The following PADI4 variants were observed in gnomAD, a reference collection of about 807,000 sequenced individuals.
PADI4 encodes peptidyl arginine deiminase 4.
Under a neutral mutation model 75.0 loss-of-function variants are expected in PADI4, and 62 were observed. The observed-to-expected ratio is 0.83, with a 90% confidence interval of 0.67 to 1.02. The LOEUF is 1.02. Among genes scored for constraint, PADI4 ranks in the 50% least tolerant of loss-of-function variants. The pLI, the probability that PADI4 is intolerant of heterozygous loss-of-function variation, is 0.00. For missense variants in PADI4, 845 were observed against 850.5 expected, an observed-to-expected ratio of 0.99 and a Z score of 0.08; for synonymous variants, 361 against 348.1, an observed-to-expected ratio of 1.04 and a Z score of -0.41.
intron 1 of PADI4, among the ~76,000 whole-genome samples, chr1:17,321,270 A>G (rs921032763): frequency 2.6e-5 from 4 of 152,154 alleles, no homozygotes; most frequent in African/African-American, 9.7e-5. Context: ...AGTGGGGGGC[A>G]GGTGCAGGGA....
At chr1:17,323,575 CTGTAATCCCAGCACTT>C (rs1176454233) in intron 1 of PADI4, among the ~76,000 whole-genome samples, 1 of 152,138 alleles carries the variant, frequency 6.6e-6, no homozygotes, top group Non-Finnish European at 1.5e-5. Flanking sequence ...TGATTCATGC[CTGTAATCCCAGCACTT>C]TGGGAGGCCA....
rs531934389 is a variant in PADI4, at chr1:17,337,186, C to G, written c.409-852C>G. Among the ~76,000 whole-genome samples, 17 of 152,302 alleles carry G rather than the reference C, an allele frequency of 1.1e-4. No individual in the cohort carries two copies. The South Asian group carries it at 2.7e-3, about 24-fold the overall frequency. On this transcript the variant is annotated intron_variant, in intron 4 of 15. Transcript: ENST00000375448. ...ATTTATTTATTGAGATGGAGTCATG[C>G]TCTGTCTCCCAGGCTGGAGTGCAGG...
In PADI4 at chr1:17,340,522, C is replaced by T. The variant is rs534546414; in HGVS notation, c.652+709C>T. ...GGAAGGGCGTTCCAGGCAGAGGGAA[C>T]GGCAAGTGCGTGGGCCCTGAGGTGA... On this transcript the variant is annotated intron_variant, in intron 6 of 15. Coordinates refer to ENST00000375448, the MANE Select transcript of PADI4 (RefSeq NM_012387.3). Among the ~76,000 whole-genome samples, 8 of 151,972 alleles carry T rather than the reference C, an allele frequency of 5.3e-5. No individual in the cohort carries two copies. The East Asian group carries it at 1.2e-3, about 22-fold the overall frequency.
At chr1:17,322,651 C>A (rs1364091890) in intron 1 of PADI4, among the ~76,000 whole-genome samples, 3 of 152,080 alleles carry the variant, frequency 2.0e-5, no homozygotes, top group African/African-American at 7.2e-5. Context: ...TATTTATGAA[C>A]CATGAGAGGC....
In PADI4 at chr1:17,347,975, A is replaced by T. The variant is rs1207922289; in HGVS notation, c.1082A>T (p.His361Leu). 3 of 1,605,010 alleles carry T rather than the reference A, an allele frequency of 1.9e-6. No homozygotes were observed. Among genetic ancestry groups the T allele is most frequent in the Admixed American group, 1.7e-5 (1 of 59,264 alleles). Residue 361 changes from histidine (H) to leucine (L), a missense_variant, in exon 10 of 16, where the codon CAC becomes CTC. His to Leu is a moderately conservative substitution (Grantham distance 99). Transcript: ENST00000375448. ...EMEIGYIQAPHKTLPVVFDSP... is the reference protein window; with the variant it reads ...EMEIGYIQAPLKTLPVVFDSP... Reference sequence around the variant, plus strand: ...GAGATCGGCTACATCCAAGCCCCACACAAAACGCTGCCCGTGGTCTTCGAC... The same window carrying T: ...GAGATCGGCTACATCCAAGCCCCACTCAAAACGCTGCCCGTGGTCTTCGAC...
At chr1:17,323,768 G>A (rs1304762138) in intron 1 of PADI4, among the ~76,000 whole-genome samples, 1 of 152,022 alleles carries the variant, frequency 6.6e-6, no homozygotes, top group African/African-American at 2.4e-5. Context: ...AGGAGGCAGA[G>A]GTTGCAGTGA....
In PADI4 at chr1:17,359,291, C is replaced by G. The variant is rs776971789; in HGVS notation, c.1641C>G (p.Asp547Glu). 4.4e-6 allele frequency: 7 copies of G among 1,602,254 alleles called. No homozygotes were observed. The Admixed American group carries it at 1.2e-4, about 27-fold the overall frequency. The change falls in exon 15 of 16, where the codon GAC becomes GAG. Residue 547 changes from aspartate to glutamate, a missense_variant. By Grantham distance (45) the Asp-to-Glu change is conservative. Coordinates refer to ENST00000375448, the MANE Select transcript of PADI4 (RefSeq NM_012387.3). ...GCCCCTTCCCCAAGAGATGCATCGACTGGAACCGCGAGCTGCTGAAGCGGG... is the reference window on the plus strand; with the variant it reads ...GCCCCTTCCCCAAGAGATGCATCGAGTGGAACCGCGAGCTGCTGAAGCGGG... The part of the protein sequence containing the change: ...EHNSFVERCI[D>E]WNRELLKREL...
At chr1:17,361,668 GA>G (rs1394492738) in intron 15 of PADI4, among the ~76,000 whole-genome samples, 1 of 152,232 alleles carries the variant, frequency 6.6e-6, no homozygotes, top group East Asian at 1.9e-4. Context: ...ATGAGGCTCA[GA>G]GGGGTGATAT....
At chr1:17,362,471 G>A (rs2074860380) in intron 15 of PADI4, among the ~76,000 whole-genome samples, 1 of 152,026 alleles carries the variant, frequency 6.6e-6, no homozygotes, top group African/African-American at 2.4e-5. Flanking sequence ...TCACGTATAG[G>A]TAGAAGCTAA....
intron 1 of PADI4, among the ~76,000 whole-genome samples, chr1:17,329,487 G>C (rs2074172494): frequency 6.6e-6 from 1 of 152,026 alleles, no homozygotes; most frequent in Admixed American, 6.6e-5. Flanking sequence ...AACAAAGTAA[G>C]CTAAAGAAAA....
rs1179792965 is a variant in PADI4 at position 17,308,234 on chromosome 1, G to T, written c.12G>T (p.Gly4=). 6.2e-7 allele frequency: 1 copy of T among 1,613,958 alleles called. No individual in the cohort carries two copies. The highest frequency in any genetic ancestry group is 8.5e-7 in the Non-Finnish European group (1 of 1,180,004). The change falls in exon 1 of 16, where the codon GGG becomes GGT. Residue 4 remains glycine (G), a synonymous_variant. Transcript: ENST00000375448. The stretch of plus-strand genomic sequence containing the variant: ...GAGCTAGCCCGACGATGGCCCAGGG[G>T]ACATTGATCCGTGTGACCCCAGAGC... MAQ[G]TLIRVTPEQP...
Position 17,342,102 on chromosome 1 carries a change from T to A in PADI4, c.812T>A (p.Leu271Gln). The part of the protein sequence containing the change: ...FPGLITLTIS[L>Q]LDTSNLELPE... ...GGGCTCATTACCCTCACCATCTCCC[T>A]GCTGGACACGTCCAACCTGGTAGGC... The change falls in exon 7 of 16, where the codon CTG becomes CAG. Residue 271 changes from leucine to glutamine, a missense_variant. Leu to Gln is a moderately radical substitution (Grantham distance 113). Transcript: ENST00000375448. 6.2e-7 allele frequency: 1 copy of A among 1,613,974 alleles called. No individual in the cohort carries two copies. Among genetic ancestry groups the A allele is most frequent in the Non-Finnish European group, 8.5e-7 (1 of 1,179,984 alleles).
chr1:17,363,565 C>A lies in PADI4; in HGVS notation c.1802C>A (p.Pro601His), dbSNP rs762619273. The change falls in exon 16 of 16, where the codon CCC becomes CAC. Residue 601 changes from proline (P) to histidine (H), a missense_variant. Physicochemically the swap from Pro to His is moderately conservative, Grantham distance 77 (BLOSUM62 -2). Coordinates refer to ENST00000375448, the MANE Select transcript of PADI4 (RefSeq NM_012387.3). ...GGGAAGCACCTGGGCATCCCCAAGC[C>A]CTTCGGGCCCGTCATCAACGGCCGC... is the stretch of plus-strand genomic sequence containing the variant. ...VLGKHLGIPK[P>H]FGPVINGRCC... The A allele has an allele frequency of 7.4e-6, 12 of 1,614,046 alleles. No individual in the cohort carries two copies. The highest frequency in any genetic ancestry group is 1.0e-5 in the Non-Finnish European group (12 of 1,179,960).
intron 6 of PADI4, among the ~76,000 whole-genome samples, chr1:17,341,506 T>C (rs1021390732): frequency 6.6e-6 from 1 of 152,162 alleles, no homozygotes; most frequent in Non-Finnish European, 1.5e-5. Flanking sequence ...ATTCCCTCTA[T>C]CACAGCTGTC....
intron 15 of PADI4, among the ~76,000 whole-genome samples, chr1:17,361,213 T>C (rs954376328): frequency 1.3e-5 from 2 of 152,146 alleles, no homozygotes; most frequent in African/African-American, 4.8e-5. Context: ...TGTTTCTGCA[T>C]TGACATTCTG....
chr1:17,328,088 A>C (rs1172949229), intron 1 of PADI4, among the ~76,000 whole-genome samples: 1 of 152,010 alleles, frequency 6.6e-6, no homozygotes, highest in Non-Finnish European at 1.5e-5. Context: ...GGAGTGCAGA[A>C]TCATGGCTCA....
chr1:17,310,572 C>G (rs1489125399), intron 1 of PADI4, among the ~76,000 whole-genome samples: 1 of 152,072 alleles, frequency 6.6e-6, no homozygotes, highest in Admixed American at 6.5e-5. Flanking sequence ...TTGCAGTGAG[C>G]CAAGATTGGG....
chr1:17,311,861 G>A (rs142840880), intron 1 of PADI4, among the ~76,000 whole-genome samples: 1 of 152,220 alleles, frequency 6.6e-6, no homozygotes, highest in South Asian at 2.1e-4. Flanking sequence ...GCATGACAGT[G>A]GGGAGCCTGG....
intron 13 of PADI4, among the ~76,000 whole-genome samples, chr1:17,358,622 G>A (rs2074800336): frequency 6.6e-6 from 1 of 151,240 alleles, no homozygotes; most frequent in African/African-American, 2.4e-5. Flanking sequence ...GAATTTAAAT[G>A]AGGTGAGAAC....
Sources: gnomAD v4.1 joint callset for allele counts (sites outside exome capture counted in the v4.1 genomes callset) on GRCh38, gnomAD v4.1.1 for gene constraint, MANE v1.5 for transcripts, NCBI Gene and HGNC (gene_info 2026-07-23, HGNC 2026-07-21) for gene names.